KCTD15: variants seen among roughly 807,000 people sequenced by gnomAD.
KCTD15 encodes potassium channel tetramerization domain containing 15.
A neutral mutation model predicts 27.2 loss-of-function variants in KCTD15; 11 were observed. That is an observed-to-expected ratio of 0.41 (90% confidence interval 0.25 to 0.67). KCTD15 has a LOEUF of 0.67. Ranked by LOEUF, KCTD15 falls within the 30% of genes least tolerant of loss-of-function variation. KCTD15 has a pLI of 0.35. For synonymous variants in KCTD15, 163 were observed against 176.0 expected (o/e 0.93, Z 0.58); for missense variants, 350 against 409.3 (o/e 0.86, Z 1.25).
chr19:33,812,934 G>T lies in KCTD15; in HGVS notation c.838G>T (p.Glu280Ter). The stretch of plus-strand genomic sequence containing the variant: ...CCCCACTGCTGTTCGAATCAAGCAG[G>T]AACCCCTGGACTAGGCCCTGCTTCA... ...PTPTAVRIKQ[E>*]PLD Residue 280 changes from glutamate to a stop codon, truncating the protein, a stop_gained, in exon 7 of 7, where the codon GAA (glutamate) becomes TAA (stop). Transcript: ENST00000683859. LOFTEE classifies it high-confidence loss of function. 1 of 1,548,056 alleles carries T rather than the reference G, an allele frequency of 6.5e-7. No homozygotes were observed. Among genetic ancestry groups the T allele is most frequent in the Non-Finnish European group, 8.7e-7 (1 of 1,146,506 alleles).
intron 5 of KCTD15, among the ~76,000 whole-genome samples, chr19:33,807,241 G>A (rs574901453): frequency 1.7e-4 from 26 of 152,342 alleles, no homozygotes; most frequent in African/African-American, 6.0e-4. Flanking sequence ...CTGAACATTT[G>A]TCGTGTTTAA....
chr19:33,811,787 A>G, intron 6 of KCTD15: 1 of 1,600,916 alleles, frequency 6.2e-7, no homozygotes, highest in Non-Finnish European at 8.5e-7. Flanking sequence ...TTTTTTTCCA[A>G]AAGGATGTTC....
chr19:33,797,876 T>A (rs1165062373), intron 1 of KCTD15, among the ~76,000 whole-genome samples: 1 of 152,234 alleles, frequency 6.6e-6, no homozygotes, highest in Non-Finnish European at 1.5e-5. Context: ...TTTTACGTCC[T>A]TAATTAGGCG....
chr19:33,807,289 C>G (rs917342094), intron 5 of KCTD15, among the ~76,000 whole-genome samples: 2 of 152,252 alleles, frequency 1.3e-5, no homozygotes, highest in Non-Finnish European at 2.9e-5. Context: ...GTTAGAGGTT[C>G]ATAAATCTGT....
intron 4 of KCTD15, 28 bp from the exon 5 acceptor site, chr19:33,806,835 G>T: frequency 6.2e-7 from 1 of 1,609,488 alleles, no homozygotes; most frequent in Non-Finnish European, 8.5e-7. Flanking sequence ...CATCCCTTCA[G>T]ACATCCCACC....
rs747134516 is a variant in KCTD15, at chr19:33,813,253, GC to G, written c.*306del. 1.6e-6 allele frequency: 1 copy of G among 619,490 alleles called. No individual in the cohort carries two copies. The highest frequency in any genetic ancestry group is 1.5e-5 in the South Asian group (1 of 65,062). The allele number at this position is 619,490 out of a possible 1,614,324, so 38.4% of individuals were successfully genotyped here. A position where few individuals can be genotyped will look rare whatever the true frequency, so the allele number is the denominator to read the frequency against. On this transcript the variant is annotated 3_prime_UTR_variant, in exon 7 of 7. Transcript: ENST00000683859. The stretch of plus-strand genomic sequence containing the variant: ...CTCTGAGGCCCCGGGGCCTGTTGGG[GC>G]GGGGTTGGAAGAGCCGTCTGCAGCT...
rs193045419 is a variant in KCTD15, at chr19:33,815,622, G to A, written c.*2674G>A. The A allele has an allele frequency of 6.6e-6, 1 of 151,208 alleles. No individual in the cohort carries two copies. Among genetic ancestry groups the A allele is most frequent in the East Asian group, 1.9e-4 (1 of 5,148 alleles). The allele number at this position is 151,208 out of a possible 1,614,324, so 9.4% of individuals were successfully genotyped here. A position where few individuals can be genotyped will look rare whatever the true frequency, so the allele number is the denominator to read the frequency against. On this transcript the variant is annotated 3_prime_UTR_variant, in exon 7 of 7. Transcript: ENST00000683859. ...CGCAAAGCCACAGCAGGCGGTCTCA[G>A]CCACCGTCCCGCTCACAGGGGCCCA... is the stretch of plus-strand genomic sequence containing the variant.
At chr19:33,800,923 G>T (rs2145440007) in intron 3 of KCTD15, among the ~76,000 whole-genome samples, 1 of 152,080 alleles carries the variant, frequency 6.6e-6, no homozygotes, top group East Asian at 1.9e-4. Context: ...TTTTTTTCTT[G>T]ATTTCTTATT....
chr19:33,812,340 T>C, intron 6 of KCTD15: 5 of 1,020,116 alleles, frequency 4.9e-6, no homozygotes, highest in Non-Finnish European at 5.9e-6. Context: ...TCAAACCACC[T>C]GGAATGCACA....
chr19:33,811,196 C>G, intron 5 of KCTD15, 51 bp from the exon 6 acceptor site: 1 of 1,291,856 alleles, frequency 7.7e-7, no homozygotes, highest in Non-Finnish European at 1.0e-6. Context: ...CCCCTTCCCC[C>G]ACCACCCCTA....
At chr19:33,807,924 T>A (rs1381649551) in intron 5 of KCTD15, among the ~76,000 whole-genome samples, 1 of 149,878 alleles carries the variant, frequency 6.7e-6, no homozygotes, top group Non-Finnish European at 1.5e-5. Flanking sequence ...CCAGCCTGGA[T>A]GACGGAGCAA....
chr19:33,810,670 A>G (rs1438224049), intron 5 of KCTD15, among the ~76,000 whole-genome samples: 4 of 132,108 alleles, frequency 3.0e-5, no homozygotes, highest in South Asian at 4.5e-4. Flanking sequence ...CTCAAAAAAC[A>G]AAAACAAAAA....
intron 4 of KCTD15, among the ~76,000 whole-genome samples, chr19:33,802,975 C>G (rs555346285): frequency 1.3e-5 from 2 of 152,116 alleles, no homozygotes; most frequent in South Asian, 4.2e-4. Context: ...TCCCCCCACC[C>G]AGCCCCACTG....
chr19:33,797,269 TGTGTGTGTGTGTGTGC>T lies in KCTD15; in HGVS notation c.-127+284_-127+299del, dbSNP rs973130631. The T allele has an allele frequency of 4.3e-4, 132 of 305,360 alleles. 3 individuals are homozygous for T. The highest frequency in any genetic ancestry group is 5.5e-4 in the African/African-American group (16 of 29,000). 18.9% of individuals were successfully genotyped at this position (305,360 alleles called of 1,614,324 possible). A position where few individuals can be genotyped will look rare whatever the true frequency, so the allele number is the denominator to read the frequency against. ...CGCGGTGTGTGTGTGTGTGTGTGTG[TGTGTGTGTGTGTGTGC>T]GCGCGCGCGCGCGCGCGCTTGTGGA... On this transcript the variant is annotated intron_variant, in intron 1 of 6. Transcript: ENST00000683859.
intron 6 of KCTD15, 75 bp from the exon 7 acceptor site, chr19:33,812,715 C>G (rs1277020284): frequency 7.2e-7 from 1 of 1,398,408 alleles, no homozygotes; most frequent in Non-Finnish European, 9.3e-7. Flanking sequence ...CCAGCAGGCA[C>G]CCACCTCCCT....
intron 4 of KCTD15, among the ~76,000 whole-genome samples, chr19:33,805,500 G>A (rs1325089830): frequency 6.6e-6 from 1 of 152,196 alleles, no homozygotes; most frequent in Non-Finnish European, 1.5e-5. Context: ...TAGAACAGGG[G>A]GCATCCCTGC....
chr19:33,802,006 C>T (rs1389473729), intron 4 of KCTD15, among the ~76,000 whole-genome samples: 2 of 152,194 alleles, frequency 1.3e-5, no homozygotes, highest in Non-Finnish European at 2.9e-5. Context: ...AGGCACCCTC[C>T]ATGCTGCTGA....
chr19:33,806,759 G>A (rs1013341139), intron 4 of KCTD15, 104 bp from the exon 5 acceptor site: 16 of 1,338,186 alleles, frequency 1.2e-5, no homozygotes, highest in South Asian at 8.0e-5. Context: ...CAGGTCCCTC[G>A]CCCCTCCAGC....
At chr19:33,796,715 C>T (rs1975326904), upstream of KCTD15, 1 of 138,394 alleles carries the variant, frequency 7.2e-6, no homozygotes, top group Non-Finnish European at 1.6e-5. Flanking sequence ...GAGGCGGCGG[C>T]GGCGGAGGCG....
Sources: gnomAD v4.1 joint callset for allele counts (sites outside exome capture counted in the v4.1 genomes callset) on GRCh38, gnomAD v4.1.1 for gene constraint, MANE v1.5 for transcripts, NCBI Gene and HGNC (gene_info 2026-07-23, HGNC 2026-07-21) for gene names.